Variants in FHIT observed in about 807,000 individuals in gnomAD.
FHIT encodes bis(5'-adenosyl)-triphosphatase.
FHIT carries 19 observed loss-of-function variants against 17.9 expected under a neutral mutation model. The observed-to-expected ratio is 1.06, with a 90% CI of 0.74 to 1.56. The LOEUF is 1.56. FHIT is among the 40% of genes most tolerant of loss of function. The probability of loss-of-function intolerance (pLI) is 0.00; values close to 1 mark genes in which losing one functional copy is unlikely to be tolerated. For missense variants in FHIT, 248 were observed against 189.2 expected, an observed-to-expected ratio of 1.31 and a Z score of -1.82; for synonymous variants, 81 against 69.7, an observed-to-expected ratio of 1.16 and a Z score of -0.81.
chr3:60,654,324 G>GA (rs1356880062), intron 4 of FHIT, among the ~76,000 whole-genome samples: 3 of 152,048 alleles, frequency 2.0e-5, no homozygotes, highest in African/African-American at 7.2e-5. Flanking sequence ...AGGCAAATTA[G>GA]AAAAGAAAGA....
At chr3:60,799,186 A>G (rs1701097182) in intron 4 of FHIT, among the ~76,000 whole-genome samples, 1 of 150,770 alleles carries the variant, frequency 6.6e-6, no homozygotes, top group South Asian at 2.1e-4. Context: ...TAGTATTATT[A>G]TTTTTGAGAC....
At chr3:61,109,760 T>C (rs2036099156) in intron 2 of FHIT, among the ~76,000 whole-genome samples, 1 of 152,182 alleles carries the variant, frequency 6.6e-6, no homozygotes, top group Non-Finnish European at 1.5e-5. Flanking sequence ...TGTACCTTAG[T>C]CTTTCACACA....
chr3:60,154,351 C>T (rs1327750660), intron 5 of FHIT, among the ~76,000 whole-genome samples: 1 of 152,106 alleles, frequency 6.6e-6, no homozygotes, highest in Admixed American at 6.6e-5. Context: ...CCAAACAGGC[C>T]ATGGTAGGGA....
At chr3:60,957,233 C>CTTTTTT (rs35221092) in intron 3 of FHIT, among the ~76,000 whole-genome samples, 24 of 97,132 alleles carry the variant, frequency 2.5e-4, no homozygotes, top group Admixed American at 3.6e-4. Flanking sequence ...TTCTTTCTTT[C>CTTTTTT]TTTTTTTTTT....
chr3:59,830,441 A>T (rs147171512), intron 8 of FHIT, among the ~76,000 whole-genome samples: 7 of 152,336 alleles, frequency 4.6e-5, no homozygotes, highest in African/African-American at 1.7e-4. Flanking sequence ...AAGTAGATGT[A>T]TAATTAGCTC....
chr3:60,960,595 CCGG>C (rs1709376452), intron 3 of FHIT, among the ~76,000 whole-genome samples: 1 of 131,656 alleles, frequency 7.6e-6, no homozygotes, highest in Non-Finnish European at 1.7e-5. Context: ...ACAACAGGCC[CCGG>C]TGTGTGGCCC....
intron 4 of FHIT, among the ~76,000 whole-genome samples, chr3:60,738,742 A>G (rs1161071946): frequency 1.3e-5 from 2 of 152,214 alleles, no homozygotes; most frequent in East Asian, 3.9e-4. Flanking sequence ...AGACCTCTGA[A>G]GCAGAATTTC....
intron 3 of FHIT, among the ~76,000 whole-genome samples, chr3:60,915,507 G>T (rs1294163813): frequency 6.6e-6 from 1 of 152,172 alleles, no homozygotes; most frequent in Non-Finnish European, 1.5e-5. Flanking sequence ...TCAATAGCCA[G>T]TGGATTTGAA....
intron 4 of FHIT, among the ~76,000 whole-genome samples, chr3:60,640,296 CT>C (rs146786965): frequency 2.4e-4 from 37 of 151,380 alleles, no homozygotes; most frequent in African/African-American, 7.8e-4. Context: ...CCCCAATAAG[CT>C]TTTTTTTTCC....
chr3:60,322,547 T>A (rs1009612540), intron 5 of FHIT, among the ~76,000 whole-genome samples: 7 of 152,326 alleles, frequency 4.6e-5, no homozygotes, highest in South Asian at 2.1e-4. Flanking sequence ...TTCACCCAGT[T>A]GGTAAATAAG....
At chr3:60,421,822 G>A (rs1702480010) in intron 5 of FHIT, among the ~76,000 whole-genome samples, 1 of 152,090 alleles carries the variant, frequency 6.6e-6, no homozygotes, top group Non-Finnish European at 1.5e-5. Flanking sequence ...GGAAAATACA[G>A]CTTTTGTTGT....
intron 5 of FHIT, among the ~76,000 whole-genome samples, chr3:60,527,108 G>A (rs1029526025): frequency 5.9e-5 from 9 of 152,014 alleles, no homozygotes; most frequent in African/African-American, 1.9e-4. Flanking sequence ...TTTATTCCGC[G>A]GAAATATGAA....
rs34680230 is a variant in FHIT at position 60,296,921 on chromosome 3, CAAA to C, written c.103+239936_103+239938del. 5.5e-3 allele frequency among the ~76,000 whole-genome samples: 637 copies of C among 115,248 alleles called. 2 individuals carry two copies. The highest frequency in any genetic ancestry group is 0.018 in the African/African-American group (595 of 33,706). 75.6% of individuals were successfully genotyped at this position (115,248 alleles called of 152,430 possible). The stretch of plus-strand genomic sequence containing the variant: ...TAACTGAATTGCTTTTTTATTTTTG[CAAA>C]AAAAAAAAAAAAAAGACCAGTGGGC... On this transcript the variant is annotated intron_variant, in intron 5 of 9. Transcript: ENST00000492590.
intron 3 of FHIT, among the ~76,000 whole-genome samples, chr3:60,879,161 G>A (rs1704835954): frequency 6.6e-6 from 1 of 152,112 alleles, no homozygotes; most frequent in African/African-American, 2.4e-5. Context: ...GTTGTTTCCT[G>A]ACTTTTTAAT....
intron 5 of FHIT, among the ~76,000 whole-genome samples, chr3:60,373,145 T>C (rs1387521540): frequency 6.6e-6 from 1 of 152,212 alleles, no homozygotes; most frequent in Non-Finnish European, 1.5e-5. Context: ...GCCTCTAGTT[T>C]AGCAGAGAAG....
At chr3:60,274,948 T>C (rs1470763148) in intron 5 of FHIT, among the ~76,000 whole-genome samples, 3 of 152,206 alleles carry the variant, frequency 2.0e-5, no homozygotes, top group South Asian at 2.1e-4. Flanking sequence ...AACAGAATTA[T>C]GTTAGAATAA....
intron 8 of FHIT, among the ~76,000 whole-genome samples, chr3:59,768,483 C>T (rs920978980): frequency 6.6e-6 from 1 of 152,210 alleles, no homozygotes; most frequent in Non-Finnish European, 1.5e-5. Context: ...CAGCACTGGA[C>T]TTAGGTGGCC....
intron 5 of FHIT, among the ~76,000 whole-genome samples, chr3:60,290,524 G>A (rs144894750): frequency 6.6e-5 from 10 of 152,116 alleles, no homozygotes; most frequent in Middle Eastern, 3.4e-3. Flanking sequence ...GCCAACAACC[G>A]TGTGAGTGAA....
chr3:59,880,093 A>G (rs1703345624), intron 8 of FHIT, among the ~76,000 whole-genome samples: 1 of 152,214 alleles, frequency 6.6e-6, no homozygotes, highest in African/African-American at 2.4e-5. Context: ...GCATGGCATC[A>G]AACTGCCAAG....
Sources: gnomAD v4.1 joint callset for allele counts (sites outside exome capture counted in the v4.1 genomes callset) on GRCh38, gnomAD v4.1.1 for gene constraint, MANE v1.5 for transcripts, NCBI Gene and HGNC (gene_info 2026-07-23, HGNC 2026-07-21) for gene names.